The following SETBP1 variants were observed in gnomAD, a reference collection of about 807,000 sequenced individuals.
SETBP1 encodes the protein SET-binding protein.
A neutral mutation model predicts 101.0 loss-of-function variants in SETBP1; 9 were observed. The observed-to-expected ratio is 0.09, with a 90% CI of 0.05 to 0.16. SETBP1 has a LOEUF of 0.16. Ranked by LOEUF, SETBP1 falls within the 10% of genes least tolerant of loss-of-function variation. The probability of loss-of-function intolerance (pLI) is 1.00; values close to 1 mark genes in which losing one functional copy is unlikely to be tolerated. For missense variants in SETBP1, 1,858 were observed against 2,033.8 expected (o/e 0.91, Z 1.66); for synonymous variants, 818 against 788.5 (o/e 1.04, Z -0.63).
chr18:44,835,540 A>T (rs2072477978), intron 2 of SETBP1, among the ~76,000 whole-genome samples: 1 of 152,258 alleles, frequency 6.6e-6, no homozygotes, highest in African/African-American at 2.4e-5. Context: ...GTTCTAAAAA[A>T]GAATTTTTAA....
At chr18:44,885,520 T>A (rs1419748878) in intron 3 of SETBP1, among the ~76,000 whole-genome samples, 1 of 152,096 alleles carries the variant, frequency 6.6e-6, no homozygotes, top group Non-Finnish European at 1.5e-5. Flanking sequence ...CAATATGTGC[T>A]GGATTCCCAC....
intron 5 of SETBP1, among the ~76,000 whole-genome samples, chr18:45,050,661 G>A (rs1430724087): frequency 6.6e-6 from 1 of 152,238 alleles, no homozygotes; most frequent in Non-Finnish European, 1.5e-5. Context: ...CGAAGGAATG[G>A]AAATTTTTCA....
intron 4 of SETBP1, among the ~76,000 whole-genome samples, chr18:45,034,996 G>GCTC (rs1486862807): frequency 4.0e-5 from 6 of 150,592 alleles, no homozygotes; most frequent in African/African-American, 1.5e-4. Context: ...CGTTTCAAAT[G>GCTC]CCCCCCCCGC....
intron 4 of SETBP1, among the ~76,000 whole-genome samples, chr18:45,029,665 G>A (rs2073248237): frequency 6.6e-6 from 1 of 152,128 alleles, no homozygotes; most frequent in Non-Finnish European, 1.5e-5. Context: ...TCTTCCATTT[G>A]TTTGTATCCT....
intron 3 of SETBP1, chr18:44,870,616 G>A (rs1372498878): frequency 1.3e-5 from 2 of 152,178 alleles, no homozygotes; most frequent in Non-Finnish European, 2.9e-5. Flanking sequence ...CTAAGGGAAT[G>A]TGAAACAAAA....
At chr18:44,711,889 G>T (rs188072280) in intron 2 of SETBP1, among the ~76,000 whole-genome samples, 61 of 151,826 alleles carry the variant, frequency 4.0e-4, no homozygotes, top group Non-Finnish European at 6.8e-4. Context: ...AGTGGATCTC[G>T]CCCTATGAAG....
intron 1 of SETBP1, among the ~76,000 whole-genome samples, chr18:44,695,226 G>A (rs570262176): frequency 7.9e-5 from 12 of 152,170 alleles, no homozygotes; most frequent in Admixed American, 2.6e-4. Context: ...GAAAAACTTC[G>A]AAAGAAGCCA....
chr18:44,925,059 A>G (rs554716803), intron 3 of SETBP1, among the ~76,000 whole-genome samples: 1 of 115,142 alleles, frequency 8.7e-6, no homozygotes, highest in South Asian at 2.8e-4. Context: ...TAAATTTTCC[A>G]GGGCTCGTTT....
At chr18:44,835,098 A>C (rs1045936440) in intron 2 of SETBP1, among the ~76,000 whole-genome samples, 1 of 152,068 alleles carries the variant, frequency 6.6e-6, no homozygotes, top group African/African-American at 2.4e-5. Flanking sequence ...GAGCCATTGA[A>C]GAGTATTAAG....
intron 2 of SETBP1, among the ~76,000 whole-genome samples, chr18:44,868,508 A>C (rs150581173): frequency 0.015 from 2,244 of 152,222 alleles, 47 homozygotes; most frequent in African/African-American, 0.051. Context: ...CAGTCTGACC[A>C]ACATGGAGAG....
chr18:44,690,292 T>C (rs183776937), intron 1 of SETBP1, among the ~76,000 whole-genome samples: 13 of 152,340 alleles, frequency 8.5e-5, no homozygotes, highest in African/African-American at 3.1e-4. Flanking sequence ...GTGGAGCTGA[T>C]ATTTGTTTAG....
At chr18:44,930,612 GAACCTGTTATTGGTCTATTCAGGGATTC>G (rs1392553914) in intron 3 of SETBP1, among the ~76,000 whole-genome samples, 1 of 152,142 alleles carries the variant, frequency 6.6e-6, no homozygotes, top group Non-Finnish European at 1.5e-5. Flanking sequence ...CTCAATTTCA[GAACCTGTTATTGGTCTATTCAGGGATTC>G]AACTTCTTCC....
At chr18:44,749,063 C>T (rs1452939283) in intron 2 of SETBP1, among the ~76,000 whole-genome samples, 1 of 152,156 alleles carries the variant, frequency 6.6e-6, no homozygotes, top group Admixed American at 6.5e-5. Flanking sequence ...TAAGGGGAGG[C>T]ATTAATGCAC....
At position 45,063,419 on chromosome 18, in the gene SETBP1, C is replaced by A. The variant is rs1833043494; in HGVS notation, c.4512C>A (p.Thr1504=). The change falls in exon 6 of 6, where the codon ACC becomes ACA. Residue 1504 remains threonine, a synonymous_variant. Coordinates refer to ENST00000649279, the MANE Select transcript of SETBP1 (RefSeq NM_015559.3). The part of the protein sequence containing the change: ...LVLEPAASQD[T]IMATIEAVIH... ...TGGAGCCCGCCGCCAGCCAAGACAC[C>A]ATCATGGCCACCATCGAGGCGGTCA... 3 of 1,522,990 alleles carry A rather than the reference C, an allele frequency of 2.0e-6. No individual in the cohort carries two copies. Among genetic ancestry groups the A allele is most frequent in the Admixed American group, 2.1e-5 (1 of 47,486 alleles). The allele number at this position is 1,522,990 out of a possible 1,614,324, so 94.3% of individuals were successfully genotyped here. A position where few individuals can be genotyped will look rare whatever the true frequency, so the allele number is the denominator to read the frequency against.
At chr18:45,018,717 A>G (rs998615887) in intron 4 of SETBP1, among the ~76,000 whole-genome samples, 2 of 152,216 alleles carry the variant, frequency 1.3e-5, no homozygotes, top group Non-Finnish European at 2.9e-5. Flanking sequence ...CTAAGGCTTA[A>G]GTTAATTTTT....
At chr18:44,789,641 C>G (rs2071328246) in intron 2 of SETBP1, among the ~76,000 whole-genome samples, 1 of 152,188 alleles carries the variant, frequency 6.6e-6, no homozygotes, top group Non-Finnish European at 1.5e-5. Flanking sequence ...CTGTTTTACT[C>G]TGCTTCTCTT....
intron 2 of SETBP1, among the ~76,000 whole-genome samples, chr18:44,785,058 C>T (rs1203771401): frequency 6.6e-6 from 1 of 152,076 alleles, no homozygotes; most frequent in Non-Finnish European, 1.5e-5. Context: ...ATCAATCATC[C>T]CATATTTGTT....
At chr18:44,935,733 T>C (rs1465579310) in intron 3 of SETBP1, among the ~76,000 whole-genome samples, 2 of 152,218 alleles carry the variant, frequency 1.3e-5, no homozygotes, top group Non-Finnish European at 2.9e-5. Context: ...CACTGGTGAT[T>C]CTTAACCATA....
chr18:44,957,426 T>C (rs1173334835), intron 4 of SETBP1, among the ~76,000 whole-genome samples: 1 of 152,054 alleles, frequency 6.6e-6, no homozygotes, highest in Non-Finnish European at 1.5e-5. Context: ...TGTTACCTCT[T>C]AGTTTAGTGC....
Sources: allele counts gnomAD v4.1 joint callset (sites outside exome capture counted in the v4.1 genomes callset), GRCh38; gene constraint gnomAD v4.1.1; transcripts MANE v1.5; gene names NCBI Gene and HGNC (gene_info 2026-07-23, HGNC 2026-07-21).